The following SYT2 variants were observed in gnomAD, a reference collection of about 807,000 sequenced individuals.
SYT2 encodes the protein synaptotagmin 2.
In SYT2, 15 loss-of-function variants were observed where a neutral mutation model predicts 39.9. That is an observed-to-expected ratio of 0.38 (90% CI 0.25 to 0.58). The LOEUF is 0.58. SYT2 is among the 20% of genes least tolerant of loss of function. The pLI, the probability that SYT2 is intolerant of heterozygous loss-of-function variation, is 0.70. For missense variants in SYT2, 389 were observed against 530.3 expected (o/e 0.73, Z 2.62); for synonymous variants, 181 against 204.5 (o/e 0.89, Z 0.98).
intron 1 of SYT2, among the ~76,000 whole-genome samples, chr1:202,704,755 C>T (rs929542365): frequency 1.3e-5 from 2 of 152,026 alleles, no homozygotes; most frequent in Non-Finnish European, 2.9e-5. Context: ...GTGCTGATGA[C>T]ATCAGCATGC....
Position 202,694,785 on chromosome 1 carries a change from C to T in SYT2, c.-18+15473G>A, listed in dbSNP as rs139373208. On this transcript the variant is annotated intron_variant, in intron 1 of 8. Coordinates refer to ENST00000367268, the MANE Select transcript of SYT2 (RefSeq NM_177402.5). ...TTATTCCTCCCTCTACCCCTCTCCT[C>T]TCCCTCCTCCTCCTCCTTCTCTCCC... is the stretch of plus-strand genomic sequence containing the variant. Among the ~76,000 whole-genome samples, 650 of 151,854 alleles carry T rather than the reference C, an allele frequency of 4.3e-3. 5 individuals are homozygous for T. Among genetic ancestry groups the T allele is most frequent in the African/African-American group, 0.015 (620 of 41,410 alleles).
intron 1 of SYT2, among the ~76,000 whole-genome samples, chr1:202,690,330 A>G (rs1039889360): frequency 2.6e-5 from 4 of 152,234 alleles, no homozygotes; most frequent in African/African-American, 9.6e-5. Context: ...CGCTCTCTTT[A>G]TCAAGTTTGA....
chr1:202,686,170 C>T (rs879858433), intron 1 of SYT2, among the ~76,000 whole-genome samples: 11 of 152,186 alleles, frequency 7.2e-5, no homozygotes, highest in Admixed American at 1.3e-4. Flanking sequence ...GGTCCCCCTT[C>T]GCCTTCTGCC....
chr1:202,615,865 G>T (rs113978236), intron 1 of SYT2, among the ~76,000 whole-genome samples: 17 of 152,226 alleles, frequency 1.1e-4, no homozygotes, highest in African/African-American at 4.1e-4. Context: ...ACCATGGTCC[G>T]TGGTGCCTAC....
At chr1:202,630,727 G>A (rs912224438) in intron 1 of SYT2, among the ~76,000 whole-genome samples, 1 of 152,188 alleles carries the variant, frequency 6.6e-6, no homozygotes, top group African/African-American at 2.4e-5. Flanking sequence ...GGGCAGGAGA[G>A]CCTCCCTGGT....
intron 1 of SYT2, among the ~76,000 whole-genome samples, chr1:202,669,060 A>T (rs1692533774): frequency 6.6e-6 from 1 of 152,248 alleles, no homozygotes; most frequent in Non-Finnish European, 1.5e-5. Context: ...TAATAAATTC[A>T]GCATGCATTA....
intron 1 of SYT2, among the ~76,000 whole-genome samples, chr1:202,687,349 C>T (rs1653693849): frequency 6.6e-6 from 1 of 152,166 alleles, no homozygotes; most frequent in African/African-American, 2.4e-5. Flanking sequence ...CAGGTTTGTG[C>T]TGCTCTCTCC....
At chr1:202,669,278 G>C (rs550687504) in intron 1 of SYT2, among the ~76,000 whole-genome samples, 6 of 152,254 alleles carry the variant, frequency 3.9e-5, no homozygotes, top group African/African-American at 1.4e-4. Context: ...CCAGCACTTT[G>C]GGAGGCTGAG....
chr1:202,601,732 G>A lies in SYT2; in HGVS notation c.801+158C>T, dbSNP rs1293523829. Among the ~76,000 whole-genome samples the A allele has an allele frequency of 6.6e-6, 1 of 152,202 alleles. No individual in the cohort carries two copies. Among genetic ancestry groups the A allele is most frequent in the African/African-American group, 2.4e-5 (1 of 41,456 alleles). ...GGGAACCCGAGTCCAGAGAGTGTAA[G>A]CAACTTGCCCAGGGTCACACAGCCA... On this transcript the variant is annotated intron_variant, in intron 6 of 8. Coordinates refer to ENST00000367268, the MANE Select transcript of SYT2 (RefSeq NM_177402.5). The surrounding 1 kb of genome is among the most constrained non-coding windows in gnomAD (Gnocchi z 4.0).
chr1:202,608,094 T>C (rs1223570143), intron 1 of SYT2, among the ~76,000 whole-genome samples: 4 of 152,184 alleles, frequency 2.6e-5, no homozygotes, highest in African/African-American at 9.7e-5. Context: ...ACCACTAATC[T>C]ACTTTCTGAC....
intron 1 of SYT2, among the ~76,000 whole-genome samples, chr1:202,685,773 C>T (rs1653648164): frequency 6.6e-6 from 1 of 152,182 alleles, no homozygotes; most frequent in Non-Finnish European, 1.5e-5. Flanking sequence ...TTGCCTGTCA[C>T]AGCTCAGGGG....
At chr1:202,666,818 C>G (rs765988481) in intron 1 of SYT2, among the ~76,000 whole-genome samples, 7 of 152,136 alleles carry the variant, frequency 4.6e-5, no homozygotes, top group African/African-American at 1.7e-4. Context: ...CCCGTCTCTA[C>G]CAGAAATACA....
At chr1:202,640,734 C>CAGAGAGAGAGAGAGAGAGAGAGAGAG (rs56979202) in intron 1 of SYT2, among the ~76,000 whole-genome samples, 4 of 90,670 alleles carry the variant, frequency 4.4e-5, no homozygotes, top group Non-Finnish European at 9.6e-5. Flanking sequence ...TCCTAATGGT[C>CAGAGAGAGAGAGAGAGAGAGAGAGAG]AGAGAGAGAG....
Position 202,602,996 on chromosome 1 carries a change from T to A in SYT2, c.465+3A>T. 6.4e-7 allele frequency: 1 copy of A among 1,558,042 alleles called. No homozygotes were observed. Among genetic ancestry groups the A allele is most frequent in the Non-Finnish European group, 8.7e-7 (1 of 1,143,350 alleles). On this transcript the variant is annotated splice_donor_region_variant and intron_variant, in intron 4 of 8. Coordinates refer to ENST00000367268, the MANE Select transcript of SYT2 (RefSeq NM_177402.5). ...CACTCTGCCCCCCCACAGCCCTGCA[T>A]ACCTGATTAGCCTGAAAATCATAGT...
chr1:202,707,044 G>A (rs1193472428), intron 1 of SYT2, among the ~76,000 whole-genome samples: 2 of 152,110 alleles, frequency 1.3e-5, no homozygotes, highest in East Asian at 3.8e-4. Context: ...CTAATTGTGT[G>A]GTATTCACTA....
chr1:202,644,078 G>A (rs568213984), intron 1 of SYT2, among the ~76,000 whole-genome samples: 1 of 152,216 alleles, frequency 6.6e-6, no homozygotes, highest in Admixed American at 6.5e-5. Flanking sequence ...TGGAGGGGAA[G>A]GGGAGCTGGG....
intron 1 of SYT2, among the ~76,000 whole-genome samples, chr1:202,693,727 A>G (rs1653902549): frequency 6.6e-6 from 1 of 152,250 alleles, no homozygotes; most frequent in Non-Finnish European, 1.5e-5. Context: ...ATCAAAAAAA[A>G]GATGCACTGT....
chr1:202,640,772 GAGAGAGAGAGAGAGAGAGAGACAGAC>G (rs1558443860), intron 1 of SYT2, among the ~76,000 whole-genome samples: 14 of 147,030 alleles, frequency 9.5e-5, no homozygotes, highest in African/African-American at 2.9e-4. Context: ...GAGAGAGAGA[GAGAGAGAGAGAGAGAGAGAGACAGAC>G]AGACAGAGAG....
chr1:202,636,746 G>GTTGT (rs1358541229), intron 1 of SYT2, among the ~76,000 whole-genome samples: 2 of 152,150 alleles, frequency 1.3e-5, no homozygotes, highest in Non-Finnish European at 2.9e-5. Flanking sequence ...TTACAGCACC[G>GTTGT]TTGTGTCAGG....
Sources: gnomAD v4.1 joint callset for allele counts (sites outside exome capture counted in the v4.1 genomes callset) on GRCh38, gnomAD v4.1.1 for gene constraint, Gnocchi (gnomAD v3.1) non-coding constraint, MANE v1.5 for transcripts, NCBI Gene and HGNC (gene_info 2026-07-23, HGNC 2026-07-21) for gene names.